Variants in SLC24A2 observed in about 807,000 individuals in gnomAD.
SLC24A2 encodes the protein sodium/potassium/calcium exchanger 2.
Under a neutral mutation model 62.0 loss-of-function variants are expected in SLC24A2, and 36 were observed. The observed-to-expected ratio is 0.58, with a 90% CI of 0.44 to 0.77. The LOEUF (loss-of-function observed/expected upper bound fraction) is 0.77. Among genes scored for constraint, SLC24A2 ranks in the 30% least tolerant of loss-of-function variants. SLC24A2 has a pLI of 0.00. For missense variants in SLC24A2, 846 were observed against 817.9 expected (o/e 1.03, Z -0.42); for synonymous variants, 358 against 294.0 (o/e 1.22, Z -2.23).
chr9:20,112,880 A>C, the SLC24A2 span, among the ~76,000 whole-genome samples: 2 of 151,878 alleles, frequency 1.3e-5, no homozygotes, highest in African/African-American at 4.8e-5. Context: ...GGTAGAGTAC[A>C]AGAAAACAAA....
intron 2 of SLC24A2, among the ~76,000 whole-genome samples, chr9:19,701,970 G>A (rs1820369270): frequency 6.6e-6 from 1 of 152,242 alleles, no homozygotes; most frequent in Non-Finnish European, 1.5e-5. Flanking sequence ...CGATAACAAA[G>A]TTACAAGGTA....
At chr9:20,192,782 T>C in the SLC24A2 span, among the ~76,000 whole-genome samples, 1 of 152,136 alleles carries the variant, frequency 6.6e-6, no homozygotes, top group Admixed American at 6.5e-5. Context: ...CCTTGATTAA[T>C]TCCAACATGC....
chr9:19,854,798 T>C, the SLC24A2 span, among the ~76,000 whole-genome samples: 1 of 152,326 alleles, frequency 6.6e-6, no homozygotes, highest in Non-Finnish European at 1.5e-5. Flanking sequence ...TGTAGATGTC[T>C]ATCAGGTCCA....
rs948616993 is a variant in SLC24A2 at position 19,508,504 on chromosome 9, A to G, written c.*7649T>C. ...TAGTAATTACTTTTACTCAAATTAC[A>G]TAAAAGGGCTGGGTATGGTGGCTCA... On this transcript the variant is annotated 3_prime_UTR_variant, in exon 11 of 11. Coordinates refer to ENST00000341998, the MANE Select transcript of SLC24A2 (RefSeq NM_020344.4). The G allele has an allele frequency of 6.6e-6, 1 of 152,198 alleles. No individual in the cohort carries two copies. The highest frequency in any genetic ancestry group is 2.4e-5 in the African/African-American group (1 of 41,456). The allele number at this position is 152,198 out of a possible 1,614,324, so 9.4% of individuals were successfully genotyped here. A position where few individuals can be genotyped will look rare whatever the true frequency, so the allele number is the denominator to read the frequency against.
chr9:20,134,685 TA>T, the SLC24A2 span, among the ~76,000 whole-genome samples: 1 of 152,184 alleles, frequency 6.6e-6, no homozygotes, highest in African/African-American at 2.4e-5. Flanking sequence ...AAAATTCTAA[TA>T]AAGGCTGGAA....
the SLC24A2 span, among the ~76,000 whole-genome samples, chr9:20,095,899 A>T: frequency 6.6e-6 from 1 of 152,204 alleles, no homozygotes; most frequent in Non-Finnish European, 1.5e-5. Context: ...GAAACCCCTT[A>T]TAAAATCATC....
the SLC24A2 span, among the ~76,000 whole-genome samples, chr9:19,951,007 G>T: frequency 1.5e-4 from 23 of 152,298 alleles, no homozygotes; most frequent in Admixed American, 3.3e-4. Context: ...CAACTGTAGA[G>T]CTGGGATGTT....
intron 2 of SLC24A2, among the ~76,000 whole-genome samples, chr9:19,765,275 T>TG (rs1180287966): frequency 1.3e-5 from 2 of 152,026 alleles, no homozygotes; most frequent in African/African-American, 2.4e-5. Context: ...GCCTTTTAAT[T>TG]GGGGAATTTA....
the SLC24A2 span, among the ~76,000 whole-genome samples, chr9:19,923,049 T>A: frequency 9.3e-5 from 14 of 151,138 alleles, no homozygotes; most frequent in Non-Finnish European, 1.8e-4. Context: ...TTAAAAAAAA[T>A]GTTAAAAGAA....
At chr9:19,783,672 A>T (rs549360310) in intron 2 of SLC24A2, among the ~76,000 whole-genome samples, 2 of 152,380 alleles carry the variant, frequency 1.3e-5, no homozygotes, top group South Asian at 4.1e-4. Flanking sequence ...CTGTAATTAC[A>T]GAAAAAATTC....
At chr9:20,253,706 C>T in the SLC24A2 span, among the ~76,000 whole-genome samples, 1 of 152,182 alleles carries the variant, frequency 6.6e-6, no homozygotes, top group Non-Finnish European at 1.5e-5. Context: ...TGAACTGCTG[C>T]ACGTGAGTGA....
the SLC24A2 span, among the ~76,000 whole-genome samples, chr9:19,874,387 C>T: frequency 6.6e-6 from 1 of 152,096 alleles, no homozygotes; most frequent in East Asian, 1.9e-4. Flanking sequence ...TAATATCTCC[C>T]ATTCTTATTT....
chr9:19,764,376 T>A (rs1462353363), intron 2 of SLC24A2, among the ~76,000 whole-genome samples: 10 of 152,230 alleles, frequency 6.6e-5, no homozygotes, highest in Admixed American at 6.5e-4. Flanking sequence ...CTTCTCTAGT[T>A]CTTTTAACTG....
the SLC24A2 span, among the ~76,000 whole-genome samples, chr9:19,959,795 G>C: frequency 6.6e-6 from 1 of 152,182 alleles, no homozygotes; most frequent in African/African-American, 2.4e-5. Flanking sequence ...GTGCTGGGTA[G>C]TGTGTTAAGA....
intron 9 of SLC24A2, among the ~76,000 whole-genome samples, chr9:19,527,480 A>G (rs773398193): frequency 6.6e-6 from 1 of 152,212 alleles, no homozygotes; most frequent in African/African-American, 2.4e-5. Context: ...AGTTACCACT[A>G]TTATCTTTGA....
chr9:19,966,948 G>C, the SLC24A2 span, among the ~76,000 whole-genome samples: 1 of 152,032 alleles, frequency 6.6e-6, no homozygotes, highest in Non-Finnish European at 1.5e-5. Flanking sequence ...TTCTTCTTAA[G>C]CCTGGAAGAA....
chr9:20,065,640 G>T, the SLC24A2 span, among the ~76,000 whole-genome samples: 2 of 152,158 alleles, frequency 1.3e-5, no homozygotes, highest in African/African-American at 4.8e-5. Flanking sequence ...CTGTAAAATA[G>T]CTAATATTAT....
At chr9:19,965,120 G>C in the SLC24A2 span, among the ~76,000 whole-genome samples, 2 of 152,106 alleles carry the variant, frequency 1.3e-5, no homozygotes, top group Non-Finnish European at 2.9e-5. Flanking sequence ...TGGAGGCAGA[G>C]GGAATAACAG....
the SLC24A2 span, among the ~76,000 whole-genome samples, chr9:19,863,289 T>C: frequency 1.1e-4 from 17 of 152,048 alleles, no homozygotes; most frequent in Admixed American, 1.3e-4. Context: ...AATACGATAA[T>C]AGCTGAAGAC....
Sources: gnomAD v4.1 joint callset for allele counts (sites outside exome capture counted in the v4.1 genomes callset) on GRCh38, gnomAD v4.1.1 for gene constraint, MANE v1.5 for transcripts, NCBI Gene and HGNC (gene_info 2026-07-23, HGNC 2026-07-21) for gene names.